Variants in ADAMTSL1 observed in about 807,000 individuals in gnomAD.
The protein encoded by ADAMTSL1 is ADAMTS like 1.
Under a neutral mutation model 201.8 loss-of-function variants are expected in ADAMTSL1, and 126 were observed. The ratio of observed to expected loss-of-function variants is 0.62; its 90% CI spans 0.54 to 0.72. The LOEUF (loss-of-function observed/expected upper bound fraction) is 0.72. ADAMTSL1 is among the 30% of genes least tolerant of loss of function. The pLI is 0.00. For missense variants in ADAMTSL1, 2,679 were observed against 2,277.8 expected (o/e 1.18, Z -3.59); for synonymous variants, 1,121 against 903.4 (o/e 1.24, Z -4.32).
At chr9:18,661,041 G>C (rs1364089722) in intron 8 of ADAMTSL1, among the ~76,000 whole-genome samples, 1 of 151,998 alleles carries the variant, frequency 6.6e-6, no homozygotes, top group Non-Finnish European at 1.5e-5. Flanking sequence ...TGATATAAAA[G>C]GCCTAATTTT....
At position 18,639,266 on chromosome 9, in the gene ADAMTSL1, A is replaced by G; in HGVS notation, c.689A>G (p.Lys230Arg). Residue 230 changes from lysine (K) to arginine (R), a missense_variant, in exon 7 of 29, where the codon AAA (lysine) becomes AGA (arginine). By Grantham distance (26) the Lys-to-Arg change is conservative (BLOSUM62 2). Transcript: ENST00000380548. Reference protein sequence around the residue: ...KGPDHLYLETKTLQGTKGENS... With the variant: ...KGPDHLYLETRTLQGTKGENS... ...TTTGATCATATAGATCTGGAAACCA[A>G]AACCCTCCAGGGGACTAAAGGTGAA... 6.2e-7 allele frequency: 1 copy of G among 1,612,774 alleles called. No homozygotes were observed. Among genetic ancestry groups the G allele is most frequent in the Middle Eastern group, 1.7e-4 (1 of 6,052 alleles).
At chr9:18,087,017 A>G (rs1823797912) in intron 1 of ADAMTSL1, among the ~76,000 whole-genome samples, 1 of 152,198 alleles carries the variant, frequency 6.6e-6, no homozygotes, top group South Asian at 2.1e-4. Flanking sequence ...TTGTAAAGTC[A>G]TCTCCCAGTC....
intron 2 of ADAMTSL1, among the ~76,000 whole-genome samples, chr9:18,462,034 G>A (rs1279137473): frequency 6.6e-6 from 1 of 151,732 alleles, no homozygotes; most frequent in African/African-American, 2.4e-5. Flanking sequence ...GCTTTTGGTT[G>A]AAAAAAAATC....
At chr9:18,094,843 A>T (rs945061726) in intron 1 of ADAMTSL1, among the ~76,000 whole-genome samples, 1 of 150,136 alleles carries the variant, frequency 6.7e-6, no homozygotes, top group Non-Finnish European at 1.5e-5. Context: ...CTGGATTACA[A>T]GTCTGAGCCA....
chr9:18,876,762 G>T (rs889936099), intron 23 of ADAMTSL1, among the ~76,000 whole-genome samples: 28 of 152,034 alleles, frequency 1.8e-4, no homozygotes, highest in African/African-American at 6.8e-4. Flanking sequence ...TAATTTCCTG[G>T]GTGTTCTTTG....
At chr9:18,254,488 A>C (rs921702006) in intron 2 of ADAMTSL1, among the ~76,000 whole-genome samples, 1 of 146,438 alleles carries the variant, frequency 6.8e-6, no homozygotes, top group African/African-American at 2.5e-5. Flanking sequence ...TCAGCCTCCC[A>C]CGTAGCTGGG....
intron 7 of ADAMTSL1, among the ~76,000 whole-genome samples, chr9:18,640,485 T>C (rs528544131): frequency 6.6e-6 from 1 of 152,194 alleles, no homozygotes; most frequent in African/African-American, 2.4e-5. Context: ...ACTGAAATTA[T>C]ATAACTGGAT....
intron 2 of ADAMTSL1, among the ~76,000 whole-genome samples, chr9:18,451,381 T>C (rs746731263): frequency 6.6e-6 from 1 of 152,200 alleles, no homozygotes; most frequent in Non-Finnish European, 1.5e-5. Context: ...ACAATTTCCA[T>C]ACGATTTTAT....
chr9:18,723,722 A>C (rs1416585663), intron 15 of ADAMTSL1: 1 of 152,632 alleles, frequency 6.6e-6, no homozygotes, highest in African/African-American at 2.4e-5. Context: ...GAAGGTTGCT[A>C]ATTGCAACAA....
intron 19 of ADAMTSL1, among the ~76,000 whole-genome samples, chr9:18,779,407 G>C (rs1821252341): frequency 6.6e-6 from 1 of 152,172 alleles, no homozygotes; most frequent in African/African-American, 2.4e-5. Flanking sequence ...CTGTATGCCA[G>C]ACATAGTGCT....
chr9:18,261,012 C>CTTTTTTTTTTTTTTTTTT (rs3085417), intron 2 of ADAMTSL1, among the ~76,000 whole-genome samples: 1 of 104,232 alleles, frequency 9.6e-6, no homozygotes, highest in East Asian at 2.6e-4. Context: ...TTTCCTTTTT[C>CTTTTTTTTTTTTTTTTTT]TTTTTTTTTT....
chr9:18,846,301 T>C (rs748613783), intron 23 of ADAMTSL1, among the ~76,000 whole-genome samples: 1 of 152,128 alleles, frequency 6.6e-6, no homozygotes, highest in African/African-American at 2.4e-5. Context: ...CTGGGGGCTT[T>C]TCAGGTCTCA....
intron 1 of ADAMTSL1, among the ~76,000 whole-genome samples, chr9:17,932,767 A>G (rs1165530056): frequency 6.6e-6 from 1 of 152,186 alleles, no homozygotes; most frequent in Non-Finnish European, 1.5e-5. Context: ...GCTTATTACA[A>G]TAGACTATTC....
At position 18,668,805 on chromosome 9, in the gene ADAMTSL1, G is replaced by T. The variant is rs149194981; in HGVS notation, c.1085+6732G>T. ...TGTCACTTCTGTTTGAAGTTTATAA[G>T]GTGCCTTCACATCCATTATCTTATT... On this transcript the variant is annotated intron_variant, in intron 9 of 28. Transcript: ENST00000380548. Among the ~76,000 whole-genome samples the T allele has an allele frequency of 5.9e-3, 904 of 152,254 alleles. 6 individuals carry two copies. The highest frequency in any genetic ancestry group is 9.4e-3 in the Non-Finnish European group (638 of 68,006).
chr9:18,652,577 G>T (rs1216669960), intron 7 of ADAMTSL1, among the ~76,000 whole-genome samples: 1 of 151,986 alleles, frequency 6.6e-6, no homozygotes, highest in African/African-American at 2.4e-5. Context: ...TTTTAGCACA[G>T]TACTTAATAA....
At chr9:18,845,173 C>T (rs1424183652) in intron 23 of ADAMTSL1, among the ~76,000 whole-genome samples, 1 of 152,220 alleles carries the variant, frequency 6.6e-6, no homozygotes, top group South Asian at 2.1e-4. Flanking sequence ...TCCTATTCGG[C>T]CATCTTGGCT....
At chr9:18,289,935 GT>G (rs892244902) in intron 2 of ADAMTSL1, among the ~76,000 whole-genome samples, 5 of 151,988 alleles carry the variant, frequency 3.3e-5, no homozygotes, top group African/African-American at 4.8e-5. Context: ...GAAATACTGA[GT>G]TTTTTTTACC....
intron 2 of ADAMTSL1, among the ~76,000 whole-genome samples, chr9:18,467,772 G>A (rs912399420): frequency 6.6e-6 from 1 of 152,284 alleles, no homozygotes; most frequent in Admixed American, 6.5e-5. Flanking sequence ...TATTTCAATC[G>A]AGGTGGAGCA....
At chr9:18,891,041 C>T (rs888097426) in intron 25 of ADAMTSL1, among the ~76,000 whole-genome samples, 15 of 151,846 alleles carry the variant, frequency 9.9e-5, no homozygotes, top group Admixed American at 7.2e-4. Context: ...TGGAAATCTG[C>T]GTTCAGTCAT....
Sources: allele counts gnomAD v4.1 joint callset (sites outside exome capture counted in the v4.1 genomes callset), GRCh38; gene constraint gnomAD v4.1.1; transcripts MANE v1.5; gene names NCBI Gene and HGNC (gene_info 2026-07-23, HGNC 2026-07-21).